Variants in OR7A10 observed in about 807,000 individuals in gnomAD.
OR7A10 encodes the protein olfactory receptor family 7 subfamily A member 10, also known as olfactory receptor 7A10.
For synonymous variants in OR7A10, 144 were observed against 144.5 expected (o/e 1.00, Z 0.02); for missense variants, 358 against 370.1 (o/e 0.97, Z 0.27).
At chr19:14,842,423 G>T (rs981574501) in intron 1 of OR7A10, among the ~76,000 whole-genome samples, 2 of 152,176 alleles carry the variant, frequency 1.3e-5, no homozygotes, top group Non-Finnish European at 2.9e-5. Flanking sequence ...TCTAATTTTT[G>T]TATTTTTAGT....
chr19:14,848,152 G>A (rs376213532), intron 1 of OR7A10, among the ~76,000 whole-genome samples: 3 of 150,210 alleles, frequency 2.0e-5, no homozygotes, highest in African/African-American at 4.9e-5. Context: ...ACTTCCTTTC[G>A]TATCCCCCAT....
chr19:14,845,474 CA>C (rs140461542), intron 1 of OR7A10, among the ~76,000 whole-genome samples: 10 of 142,526 alleles, frequency 7.0e-5, no homozygotes, highest in Middle Eastern at 3.6e-3. Flanking sequence ...GACTCCATCT[CA>C]AAAAAAAAAG....
rs1322031227 is a variant in OR7A10, at chr19:14,841,503, G to A, written c.375C>T (p.Ala125=). ...LTVMAYDRFV[A]ICHPLHYMVI... ...CCATGTAGTGCAGAGGGTGACAGAT[G>A]GCCACAAACCGGTCATAGGCCATCA... The change falls in exon 2 of 2, where the codon GCC becomes GCT. Residue 125 remains alanine, a synonymous_variant. Coordinates refer to ENST00000641129, the MANE Select transcript of OR7A10 (RefSeq NM_001005190.2). 2.5e-6 allele frequency: 4 copies of A among 1,614,116 alleles called. No homozygotes were observed. Among genetic ancestry groups the A allele is most frequent in the East Asian group, 2.2e-5 (1 of 44,892 alleles).
intron 1 of OR7A10, among the ~76,000 whole-genome samples, chr19:14,842,744 A>G (rs1016305096): frequency 6.6e-6 from 1 of 152,004 alleles, no homozygotes; most frequent in African/African-American, 2.4e-5. Flanking sequence ...TATGTACCAT[A>G]TTTTCTTTAT....
intron 1 of OR7A10, among the ~76,000 whole-genome samples, chr19:14,847,495 A>G (rs927833440): frequency 2.0e-5 from 3 of 152,036 alleles, no homozygotes; most frequent in Admixed American, 6.6e-5. Flanking sequence ...AAACTCAAAT[A>G]TGCCCTTCTA....
At chr19:14,845,466 C>A (rs536739878) in intron 1 of OR7A10, among the ~76,000 whole-genome samples, 6 of 151,106 alleles carry the variant, frequency 4.0e-5, no homozygotes, top group African/African-American at 1.2e-4. Flanking sequence ...CAGAGCAAGA[C>A]TCCATCTCAA....
Position 14,841,404 on chromosome 19 carries a change from T to C in OR7A10, c.474A>G (p.Leu158=), listed in dbSNP as rs2044911545. The change falls in exon 2 of 2, where the codon TTA becomes TTG. Residue 158 remains leucine (L), a synonymous_variant. Transcript: ENST00000641129. ...SWIMSVLNSM[L]QSLMVLPLPF... is the part of the protein sequence containing the mutation. Reference sequence around the variant, plus strand: ...GCAGTGGCAACACCATTAAGCTTTGTAACATGGAATTCAGAACACTCATGA... The same window carrying C: ...GCAGTGGCAACACCATTAAGCTTTGCAACATGGAATTCAGAACACTCATGA... 3.7e-6 allele frequency: 6 copies of C among 1,614,016 alleles called. No individual in the cohort carries two copies. The highest frequency in any genetic ancestry group is 1.3e-5 in the African/African-American group (1 of 74,922).
intron 1 of OR7A10, among the ~76,000 whole-genome samples, chr19:14,846,632 C>T (rs913843689): frequency 1.5e-5 from 2 of 136,968 alleles, no homozygotes; most frequent in Non-Finnish European, 3.0e-5. Context: ...GTCACTTGAA[C>T]CCAGGAGGTG....
At chr19:14,846,245 C>T (rs1467454604) in intron 1 of OR7A10, among the ~76,000 whole-genome samples, 2 of 152,020 alleles carry the variant, frequency 1.3e-5, no homozygotes, top group Admixed American at 1.3e-4. Flanking sequence ...TAAAATATAG[C>T]ATATTTGTGA....
chr19:14,845,066 C>T (rs796638736), intron 1 of OR7A10, among the ~76,000 whole-genome samples: 47 of 119,638 alleles, frequency 3.9e-4, no homozygotes, highest in African/African-American at 1.4e-3. Context: ...CACACACACA[C>T]ACAAACACAC....
intron 1 of OR7A10, among the ~76,000 whole-genome samples, chr19:14,844,322 T>C (rs1468368638): frequency 1.3e-5 from 2 of 152,140 alleles, no homozygotes; most frequent in Non-Finnish European, 2.9e-5. Context: ...AAGGTGACAA[T>C]GGAACAGAAG....
In OR7A10 at chr19:14,841,182, C is replaced by G. The variant is rs1009354571; in HGVS notation, c.696G>C (p.Gln232His). 1 of 1,614,018 alleles carries G rather than the reference C, an allele frequency of 6.2e-7. No homozygotes were observed. Among genetic ancestry groups the G allele is most frequent in the African/African-American group, 1.3e-5 (1 of 74,902 alleles). ...AGGTGGAAAATGCCTTATACTTCCC[C>G]TGAGCTGATGAGATTGCACGTATGG... The part of the protein sequence containing the change: ...VSSIRAISSA[Q>H]GKYKAFSTCA... Residue 232 changes from glutamine (Q) to histidine (H), a missense_variant, in exon 2 of 2, where the codon CAG becomes CAC. Transcript: ENST00000641129.
At position 14,841,631 on chromosome 19, in the gene OR7A10, C is replaced by T. The variant is rs749239575; in HGVS notation, c.247G>A (p.Val83Met). The T allele has an allele frequency of 2.5e-6, 4 of 1,614,002 alleles. No homozygotes were observed. The highest frequency in any genetic ancestry group is 2.5e-6 in the Non-Finnish European group (3 of 1,180,032). Residue 83 changes from valine (V) to methionine (M), a missense_variant, in exon 2 of 2, where the codon GTG becomes ATG. By Grantham distance (21) the Val-to-Met change is conservative. Coordinates refer to ENST00000641129, the MANE Select transcript of OR7A10 (RefSeq NM_001005190.2). ...FVSTTVPKML[V>M]NIQTHNKVIT... ...ACTTTGTTGTGTGTCTGGATGTTCA[C>T]CAGCATCTTCGGGACAGTGGTAGAG...
At chr19:14,844,807 C>T (rs186203984) in intron 1 of OR7A10, among the ~76,000 whole-genome samples, 10 of 151,310 alleles carry the variant, frequency 6.6e-5, no homozygotes, top group East Asian at 2.0e-4. Flanking sequence ...GGATTATAGG[C>T]GCCTGCTACC....
At chr19:14,843,238 G>A (rs1405896182) in intron 1 of OR7A10, among the ~76,000 whole-genome samples, 1 of 152,204 alleles carries the variant, frequency 6.6e-6, no homozygotes, top group African/African-American at 2.4e-5. Flanking sequence ...TGGTGGGAAT[G>A]TAATTAGTTC....
rs766214033 is a variant in OR7A10 at position 14,841,683 on chromosome 19, G to C, written c.195C>G (p.Asn65Lys). 1.9e-6 allele frequency: 3 copies of C among 1,614,164 alleles called. No individual in the cohort carries two copies. Among genetic ancestry groups the C allele is most frequent in the Non-Finnish European group, 2.5e-6 (3 of 1,180,038 alleles). The stretch of plus-strand genomic sequence containing the variant: ...CAAAACAGATGTCTACGAAGGACAG[G>C]TTGGAGAGGAAGAAGTACATGGGGG... ...LHTPMYFFLS[N>K]LSFVDICFVS... Residue 65 changes from asparagine to lysine, a missense_variant, in exon 2 of 2, where the codon AAC (asparagine) becomes AAG (lysine). Physicochemically the swap from Asn to Lys is moderately conservative, Grantham distance 94 (BLOSUM62 0). Transcript: ENST00000641129.
chr19:14,843,967 G>C (rs1261465337), intron 1 of OR7A10, among the ~76,000 whole-genome samples: 1 of 152,076 alleles, frequency 6.6e-6, no homozygotes, highest in Admixed American at 6.5e-5. Context: ...TGCATGCGGG[G>C]CTTAAAACCT....
chr19:14,844,292 T>C (rs2044929726), intron 1 of OR7A10, among the ~76,000 whole-genome samples: 2 of 152,176 alleles, frequency 1.3e-5, no homozygotes, highest in Non-Finnish European at 2.9e-5. Context: ...TTACTTTGCT[T>C]TCCTGTAAGA....
At chr19:14,842,106 A>G (rs1252079458) in intron 1 of OR7A10, among the ~76,000 whole-genome samples, 1 of 152,230 alleles carries the variant, frequency 6.6e-6, no homozygotes, top group Non-Finnish European at 1.5e-5. Context: ...TCAGGGTTAC[A>G]TATGCAGGTT....
Sources: gnomAD v4.1 joint callset for allele counts (sites outside exome capture counted in the v4.1 genomes callset) on GRCh38, gnomAD v4.1.1 for gene constraint, MANE v1.5 for transcripts, NCBI Gene and HGNC (gene_info 2026-07-23, HGNC 2026-07-21) for gene names.